The following ATP6V1B1 variants were observed in gnomAD, a reference collection of about 807,000 sequenced individuals.
The protein encoded by ATP6V1B1 is V-type proton ATPase subunit B, kidney isoform.
Under a neutral mutation model 62.1 loss-of-function variants are expected in ATP6V1B1, and 41 were observed. The observed-to-expected ratio is 0.66, with a 90% CI of 0.51 to 0.86. The LOEUF is 0.86. ATP6V1B1 is among the 40% of genes least tolerant of loss of function. The pLI, the probability that ATP6V1B1 is intolerant of heterozygous loss-of-function variation, is 0.00. For synonymous variants in ATP6V1B1, 253 were observed against 273.4 expected, an observed-to-expected ratio of 0.93 and a Z score of 0.74; for missense variants, 651 against 697.5, an observed-to-expected ratio of 0.93 and a Z score of 0.75.
At position 70,935,902 on chromosome 2, in the gene ATP6V1B1, A is replaced by C; in HGVS notation, c.-53A>C. On this transcript the variant is annotated 5_prime_UTR_variant, in exon 1 of 14. Transcript: ENST00000234396. ...GCTCCAGCTGGACCTGAAGTCTCAGAGCTGCCACCAGCAGCAGGCTCAGAC... is the reference window on the plus strand; with the variant it reads ...GCTCCAGCTGGACCTGAAGTCTCAGCGCTGCCACCAGCAGCAGGCTCAGAC... 2 of 1,505,166 alleles carry C rather than the reference A, an allele frequency of 1.3e-6. No homozygotes were observed. Among genetic ancestry groups the C allele is most frequent in the Non-Finnish European group, 9.2e-7 (1 of 1,091,954 alleles). 93.2% of individuals were successfully genotyped at this position (1,505,166 alleles called of 1,614,324 possible). A position where few individuals can be genotyped will look rare whatever the true frequency, so the allele number is the denominator to read the frequency against.
At position 70,963,052 on chromosome 2, in the gene ATP6V1B1, C is replaced by T; in HGVS notation, c.910-110C>T. ...GGGCTTGGTCTCAGCCTGGCCATTCCTCCCCTGCCCCCCACTCCATTTCTC... is the reference window on the plus strand; with the variant it reads ...GGGCTTGGTCTCAGCCTGGCCATTCTTCCCCTGCCCCCCACTCCATTTCTC... On this transcript the variant is annotated intron_variant, in intron 9 of 13. Coordinates refer to ENST00000234396, the MANE Select transcript of ATP6V1B1 (RefSeq NM_001692.4). This position sits in a 1 kb window ranked among gnomAD's most constrained non-coding sequence, Gnocchi z 4.3. The T allele has an allele frequency of 1.2e-6, 2 of 1,600,214 alleles. No individual in the cohort carries two copies. Among genetic ancestry groups the T allele is most frequent in the East Asian group, 2.2e-5 (1 of 44,796 alleles).
At chr2:70,940,993 C>T (rs1383496957) in intron 1 of ATP6V1B1, 4 of 826,958 alleles carry the variant, frequency 4.8e-6, no homozygotes, top group East Asian at 2.5e-4. Flanking sequence ...CAGAGCTCAC[C>T]GCAGCCTCAA....
chr2:70,957,351 C>T (rs957806731), intron 2 of ATP6V1B1, among the ~76,000 whole-genome samples: 16 of 152,080 alleles, frequency 1.1e-4, no homozygotes, highest in Admixed American at 2.6e-4. Context: ...CCGCCCACCT[C>T]GGCCTCCCAA....
At chr2:70,964,677 G>A (rs1680675659) in intron 12 of ATP6V1B1, 59 bp from the exon 13 acceptor site, 1 of 1,612,604 alleles carries the variant, frequency 6.2e-7, no homozygotes, top group Admixed American at 1.7e-5. Flanking sequence ...CCAGGTTGGG[G>A]GCTACTGGAC....
chr2:70,958,210 A>G (rs1558677474), intron 3 of ATP6V1B1, 66 bp downstream of exon 3: 8 of 1,593,302 alleles, frequency 5.0e-6, no homozygotes, highest in Admixed American at 1.7e-5. Flanking sequence ...TTCCCACACT[A>G]TCTACAAACT....
rs782057753 is a variant in ATP6V1B1 at position 70,941,449 on chromosome 2, AC to A, written c.119-2205del. 871 of 985,002 alleles carry A rather than the reference AC, an allele frequency of 8.8e-4. 1 individual carries two copies. The highest frequency in any genetic ancestry group is 9.8e-4 in the Non-Finnish European group (809 of 829,652). The allele number at this position is 985,002 out of a possible 1,614,324, so 61.0% of individuals were successfully genotyped here. ...TTTCCCCAGCTCCCTGGGGGCTGGCACCCCTTGACCCTGAAGGCTCAGCTCA... is the reference window on the plus strand; with the variant it reads ...TTTCCCCAGCTCCCTGGGGGCTGGCACCCTTGACCCTGAAGGCTCAGCTCA... On this transcript the variant is annotated intron_variant, in intron 1 of 13. Transcript: ENST00000234396.
intron 2 of ATP6V1B1, chr2:70,944,134 G>T (rs1193806233): frequency 7.8e-7 from 1 of 1,285,964 alleles, no homozygotes; most frequent in Non-Finnish European, 1.0e-6. Flanking sequence ...TAACGGGAAA[G>T]AGGAGGAGGT....
chr2:70,953,297 G>A (rs1342271716), intron 2 of ATP6V1B1, among the ~76,000 whole-genome samples: 2 of 152,118 alleles, frequency 1.3e-5, no homozygotes, highest in African/African-American at 4.8e-5. Flanking sequence ...ATTCTTTTTG[G>A]AGTTAAGAAA....
intron 1 of ATP6V1B1, chr2:70,941,339 A>T: frequency 2.0e-6 from 2 of 985,612 alleles, no homozygotes; most frequent in Non-Finnish European, 2.4e-6. Context: ...ACCTGAAGCG[A>T]GCCTGTGCAT....
At position 70,958,449 on chromosome 2, in the gene ATP6V1B1, G is replaced by A. The variant is rs367614079; in HGVS notation, c.367+23G>A. ...TGGGTGAGGGACAGGGAGGGGCAGG[G>A]GTGGGGGTGCTCCTCTGCCCTCCCA... On this transcript the variant is annotated intron_variant, in intron 4 of 13. Transcript: ENST00000234396. 4.5e-5 allele frequency: 70 copies of A among 1,572,178 alleles called. 1 individual carries two copies. Among genetic ancestry groups the A allele is most frequent in the Non-Finnish European group, 5.9e-5 (67 of 1,142,040 alleles).
At chr2:70,942,000 A>C in intron 1 of ATP6V1B1, 4 of 1,036,200 alleles carry the variant, frequency 3.9e-6, no homozygotes, top group East Asian at 7.5e-5. Flanking sequence ...GAGGGGAGGA[A>C]CTGGAGAAGG....
chr2:70,937,033 T>C (rs191948438), intron 1 of ATP6V1B1, among the ~76,000 whole-genome samples: 56 of 151,988 alleles, frequency 3.7e-4, no homozygotes, highest in African/African-American at 1.4e-3. Flanking sequence ...GCCGCCCTGC[T>C]CACTGGAGTA....
At position 70,965,190 on chromosome 2, in the gene ATP6V1B1, G is replaced by A; in HGVS notation, c.*69G>A. ...TCGGCTCCCGGGTCTCCCCTCCCTCGCCACCCCAACCAGCGGCTTCTGCGC... is the reference window on the plus strand; with the variant it reads ...TCGGCTCCCGGGTCTCCCCTCCCTCACCACCCCAACCAGCGGCTTCTGCGC... On this transcript the variant is annotated 3_prime_UTR_variant, in exon 14 of 14. Transcript: ENST00000234396. 2 of 1,585,740 alleles carry A rather than the reference G, an allele frequency of 1.3e-6. No homozygotes were observed. Among genetic ancestry groups the A allele is most frequent in the Non-Finnish European group, 1.7e-6 (2 of 1,171,986 alleles).
At chr2:70,961,985 A>G (rs1360780437) in intron 8 of ATP6V1B1, among the ~76,000 whole-genome samples, 1 of 84,334 alleles carries the variant, frequency 1.2e-5, no homozygotes, top group Non-Finnish European at 2.7e-5. Flanking sequence ...TGTCACATCC[A>G]CAAAGTCACC....
intron 2 of ATP6V1B1, chr2:70,957,745 A>G (rs1553419300): frequency 2.4e-6 from 1 of 416,972 alleles, no homozygotes; most frequent in East Asian, 5.4e-5. Flanking sequence ...ACTAAACCTC[A>G]TTACTTATGA....
At chr2:70,941,621 T>C in intron 1 of ATP6V1B1, 1 of 831,104 alleles carries the variant, frequency 1.2e-6, no homozygotes, top group Non-Finnish European at 1.5e-6. Flanking sequence ...TCTTTTAGCC[T>C]GTAGGCACTT....
At position 70,963,511 on chromosome 2, in the gene ATP6V1B1, G is replaced by T; in HGVS notation, c.1061-61G>T. ...CCATGAGGGAAACAGACCCCAGGTGGCCCTGAGTGGTTGGAGACCTGGGCC... is the reference window on the plus strand; with the variant it reads ...CCATGAGGGAAACAGACCCCAGGTGTCCCTGAGTGGTTGGAGACCTGGGCC... On this transcript the variant is annotated intron_variant, in intron 10 of 13. Coordinates refer to ENST00000234396, the MANE Select transcript of ATP6V1B1 (RefSeq NM_001692.4). This position sits in a 1 kb window ranked among gnomAD's most constrained non-coding sequence, Gnocchi z 4.3. 8 of 1,568,058 alleles carry T rather than the reference G, an allele frequency of 5.1e-6. No homozygotes were observed. Among genetic ancestry groups the T allele is most frequent in the Non-Finnish European group, 7.0e-6 (8 of 1,138,656 alleles).
Position 70,964,311 on chromosome 2 carries a change from G to C in ATP6V1B1, c.1144-127G>C, listed in dbSNP as rs1572924018. The C allele has an allele frequency of 4.4e-6, 4 of 901,826 alleles. No individual in the cohort carries two copies. In the East Asian group the frequency reaches 1.0e-4, roughly 23 times the overall value. 55.9% of individuals were successfully genotyped at this position (901,826 alleles called of 1,614,324 possible). On this transcript the variant is annotated intron_variant, in intron 11 of 13. Coordinates refer to ENST00000234396, the MANE Select transcript of ATP6V1B1 (RefSeq NM_001692.4). ...CTAGAATTTGTGGGAGATAAGAGAG[G>C]GTGGGTGTGGCTGTTGACCCCTCGG... is the stretch of plus-strand genomic sequence containing the variant.
intron 2 of ATP6V1B1, among the ~76,000 whole-genome samples, chr2:70,945,554 T>C (rs1468513826): frequency 1.3e-5 from 2 of 151,756 alleles, no homozygotes; most frequent in African/African-American, 4.8e-5. Flanking sequence ...AGACACACAA[T>C]AATTGTACAT....
Sources: gnomAD v4.1 joint callset for allele counts (sites outside exome capture counted in the v4.1 genomes callset) on GRCh38, gnomAD v4.1.1 for gene constraint, Gnocchi (gnomAD v3.1) non-coding constraint, MANE v1.5 for transcripts, NCBI Gene and HGNC (gene_info 2026-07-23, HGNC 2026-07-21) for gene names.